The following DENND5B variants were observed in gnomAD, a reference collection of about 807,000 sequenced individuals.
DENND5B encodes the protein DENN domain containing 5B, also known as DENN domain-containing protein 5B.
In DENND5B, 34 loss-of-function variants were observed where a neutral mutation model predicts 140.6. The observed-to-expected ratio is 0.24, with a 90% CI of 0.18 to 0.32. The LOEUF (loss-of-function observed/expected upper bound fraction) is 0.32. DENND5B is among the 10% of genes least tolerant of loss of function. The probability of loss-of-function intolerance (pLI) is 1.00; values close to 1 mark genes in which losing one functional copy is unlikely to be tolerated. For missense variants in DENND5B, 1,142 were observed against 1,560.2 expected (o/e 0.73, Z 4.52); for synonymous variants, 551 against 562.1 (o/e 0.98, Z 0.28).
chr12:31,481,792 G>A (rs793178), intron 2 of DENND5B, among the ~76,000 whole-genome samples: 11,856 of 152,216 alleles, frequency 0.078, 1,054 homozygotes, highest in African/African-American at 0.22. Context: ...GGGTTTTTAG[G>A]AGAGGGACAG....
chr12:31,445,400 C>G (rs976903970), intron 6 of DENND5B, among the ~76,000 whole-genome samples: 1 of 151,980 alleles, frequency 6.6e-6, no homozygotes, highest in Non-Finnish European at 1.5e-5. Context: ...AGTAATAAAA[C>G]AAAATAAAAA....
At chr12:31,564,859 A>G (rs1174955151) in intron 1 of DENND5B, among the ~76,000 whole-genome samples, 1 of 151,990 alleles carries the variant, frequency 6.6e-6, no homozygotes, top group Non-Finnish European at 1.5e-5. Flanking sequence ...TAAGTGCTAG[A>G]TTACAGGTGT....
chr12:31,586,027 A>G (rs1592101377), intron 1 of DENND5B, among the ~76,000 whole-genome samples: 1 of 152,244 alleles, frequency 6.6e-6, no homozygotes, highest in South Asian at 2.1e-4. Context: ...AAAGAGGCAA[A>G]GTCCCTTCTC....
At chr12:31,445,973 C>T (rs1403285752) in intron 6 of DENND5B, among the ~76,000 whole-genome samples, 1 of 150,928 alleles carries the variant, frequency 6.6e-6, no homozygotes, top group Non-Finnish European at 1.5e-5. Context: ...GGCACCACTG[C>T]ACTCCAGCCT....
chr12:31,495,747 A>C (rs1946738330), intron 2 of DENND5B, 63 bp downstream of exon 2: 1 of 1,189,832 alleles, frequency 8.4e-7, no homozygotes, highest in Non-Finnish European at 1.2e-6. Flanking sequence ...TACAGTCACT[A>C]CCTTCATATT....
intron 1 of DENND5B, among the ~76,000 whole-genome samples, chr12:31,539,008 A>G (rs1321913041): frequency 6.6e-6 from 1 of 152,006 alleles, no homozygotes; most frequent in African/African-American, 2.4e-5. Context: ...ACAGACTAAG[A>G]AAAAGAGAAG....
chr12:31,582,138 T>C (rs1399358941), intron 1 of DENND5B, among the ~76,000 whole-genome samples: 7 of 152,244 alleles, frequency 4.6e-5, no homozygotes, highest in African/African-American at 1.2e-4. Context: ...GGGCTGACTA[T>C]ACATGTGGTG....
At chr12:31,406,244 A>T (rs1942123213) in intron 14 of DENND5B, among the ~76,000 whole-genome samples, 1 of 152,150 alleles carries the variant, frequency 6.6e-6, no homozygotes, top group South Asian at 2.1e-4. Context: ...CCTCCGTGAA[A>T]GATCTACAAG....
intron 1 of DENND5B, among the ~76,000 whole-genome samples, chr12:31,502,749 C>T (rs1275172652): frequency 6.6e-6 from 1 of 152,190 alleles, no homozygotes; most frequent in Admixed American, 6.5e-5. Flanking sequence ...CCCACAGATA[C>T]TGTGAGAACT....
rs1944326363 is a variant in DENND5B at position 31,447,563 on chromosome 12, C to G, written c.1836G>C (p.Gln612His). 6.2e-7 allele frequency: 1 copy of G among 1,612,052 alleles called. No individual in the cohort carries two copies. Among genetic ancestry groups the G allele is most frequent in the South Asian group, 1.1e-5 (1 of 90,786 alleles). Residue 612 changes from glutamine (Q) to histidine (H), a missense_variant, in exon 6 of 21, where the codon CAG becomes CAC. By Grantham distance (24) the Gln-to-His change is conservative. Around this residue, in one of 5 missense-constraint regions of DENND5B, gnomAD observed 708 missense variants for 905.5 expected, o/e 0.78. Coordinates refer to ENST00000389082, the MANE Select transcript of DENND5B (RefSeq NM_144973.4). ...RAPTLRTSIYQKCSTLKEAAQ... is the reference protein window; with the variant it reads ...RAPTLRTSIYHKCSTLKEAAQ... ...CTGCTTCTTTTAAAGTGCTGCATTTCTGATATATAGATGTCCGCAAGGTGG... is the reference window on the plus strand; with the variant it reads ...CTGCTTCTTTTAAAGTGCTGCATTTGTGATATATAGATGTCCGCAAGGTGG...
chr12:31,538,288 T>TA (rs1458719738), intron 1 of DENND5B, among the ~76,000 whole-genome samples: 9 of 152,174 alleles, frequency 5.9e-5, no homozygotes, highest in Admixed American at 2.6e-4. Context: ...TTAAAACATT[T>TA]AAAAAAACTG....
At chr12:31,579,584 C>T (rs978530975) in intron 1 of DENND5B, among the ~76,000 whole-genome samples, 4 of 152,048 alleles carry the variant, frequency 2.6e-5, no homozygotes, top group African/African-American at 9.7e-5. Context: ...TCACTTGAAC[C>T]CAGGAGGCAG....
chr12:31,549,723 A>AGT lies in DENND5B; in HGVS notation c.127+40981_127+40982dup, dbSNP rs762514092. Among the ~76,000 whole-genome samples, 6 of 152,076 alleles carry AGT rather than the reference A, an allele frequency of 3.9e-5. No individual in the cohort carries two copies. The East Asian group carries it at 5.8e-4, about 15-fold the overall frequency. ...CCCATCCCAACCTCCAACAGACCCC[A>AGT]GTGTGTGTTGTTCCCCTCCCTGTGT... On this transcript the variant is annotated intron_variant, in intron 1 of 20. Coordinates refer to ENST00000389082, the MANE Select transcript of DENND5B (RefSeq NM_144973.4).
At chr12:31,435,925 T>A (rs893202991) in intron 7 of DENND5B, among the ~76,000 whole-genome samples, 1 of 151,970 alleles carries the variant, frequency 6.6e-6, no homozygotes, top group Non-Finnish European at 1.5e-5. Flanking sequence ...GCCTCCCAAG[T>A]AGGTGGGATT....
intron 1 of DENND5B, among the ~76,000 whole-genome samples, chr12:31,579,045 T>C (rs758579750): frequency 6.6e-6 from 1 of 152,232 alleles, no homozygotes; most frequent in Non-Finnish European, 1.5e-5. Flanking sequence ...CTAGCACATA[T>C]CTTTGAAAGT....
intron 11 of DENND5B, among the ~76,000 whole-genome samples, chr12:31,416,018 GGA>G (rs1942720653): frequency 6.6e-6 from 1 of 151,598 alleles, no homozygotes. Flanking sequence ...TGTATTTTTA[GGA>G]GAGACAGGGT....
rs377056463 is a variant in DENND5B, at chr12:31,446,693, A to C, written c.1861+845T>G. 1.4e-3 allele frequency among the ~76,000 whole-genome samples: 214 copies of C among 151,076 alleles called. 6 individuals carry two copies. In the South Asian group the frequency reaches 0.043, roughly 30 times the overall value. On this transcript the variant is annotated intron_variant, in intron 6 of 20. Transcript: ENST00000389082. The stretch of plus-strand genomic sequence containing the variant: ...GGGCGATCACGAGGTCGGGAGATCG[A>C]CACCATCCTGGCTAACACAGTGAAA...
chr12:31,555,402 C>G (rs112625838), intron 1 of DENND5B, among the ~76,000 whole-genome samples: 1 of 152,158 alleles, frequency 6.6e-6, no homozygotes, highest in South Asian at 2.1e-4. Flanking sequence ...GCTGCCTGAT[C>G]GTTCTTCTGG....
At chr12:31,500,113 C>A (rs1946944684) in intron 1 of DENND5B, among the ~76,000 whole-genome samples, 1 of 152,078 alleles carries the variant, frequency 6.6e-6, no homozygotes, top group Non-Finnish European at 1.5e-5. Context: ...GGTTGAGCAT[C>A]CTTAATTAGA....
Sources: allele counts gnomAD v4.1 joint callset (sites outside exome capture counted in the v4.1 genomes callset), GRCh38; gene constraint gnomAD v4.1.1; regional missense constraint gnomAD v4.1.1; transcripts MANE v1.5; gene names NCBI Gene and HGNC (gene_info 2026-07-23, HGNC 2026-07-21).